The following REV1 variants were observed in gnomAD, a reference collection of about 807,000 sequenced individuals.
REV1 encodes the protein REV1 DNA directed polymerase.
A neutral mutation model predicts 137.4 loss-of-function variants in REV1; 42 were observed. That is an observed-to-expected ratio of 0.31 (90% CI 0.24 to 0.40). The LOEUF (loss-of-function observed/expected upper bound fraction) is 0.40. Ranked by LOEUF, REV1 falls within the 10% of genes least tolerant of loss-of-function variation. The pLI, the probability that REV1 is intolerant of heterozygous loss-of-function variation, is 1.00. For missense variants in REV1, 1,282 were observed against 1,490.1 expected (o/e 0.86, Z 2.30); for synonymous variants, 524 against 519.2 (o/e 1.01, Z -0.12).
chr2:99,457,670 G>C (rs1010225880), intron 3 of REV1, among the ~76,000 whole-genome samples: 7 of 149,344 alleles, frequency 4.7e-5, no homozygotes, highest in Non-Finnish European at 1.0e-4. Flanking sequence ...GGGTGACAAA[G>C]TGAGACCCTG....
chr2:99,449,218 T>C, intron 4 of REV1, 118 bp downstream of exon 4: 1 of 452,938 alleles, frequency 2.2e-6, no homozygotes, highest in Non-Finnish European at 3.4e-6. Flanking sequence ...TGAGCCATGA[T>C]CATGCCACTG....
At chr2:99,464,673 A>G (rs935000360) in intron 2 of REV1, among the ~76,000 whole-genome samples, 1 of 152,220 alleles carries the variant, frequency 6.6e-6, no homozygotes, top group African/African-American at 2.4e-5. Context: ...CAATGCTGCA[A>G]TAAAATCATC....
Position 99,460,983 on chromosome 2 carries a change from C to T in REV1, c.181+1513G>A, listed in dbSNP as rs182021795. ...ATGTGAATAAGGGTGCTCTCTTGAA[C>T]TGGAGACTTCCATGACTGGCTAATG... On this transcript the variant is annotated intron_variant, in intron 3 of 22. Transcript: ENST00000258428. 5.7e-4 allele frequency among the ~76,000 whole-genome samples: 86 copies of T among 151,370 alleles called. 1 individual carries two copies. Among genetic ancestry groups the T allele is most frequent in the Admixed American group, 5.5e-3 (84 of 15,138 alleles).
At position 99,406,737 on chromosome 2, in the gene REV1, C is replaced by A. The variant is rs573495113; in HGVS notation, c.2449-247G>T. ...ATTCTCCCAAAATATACCAAAAGAT[C>A]TTTAAAATCAGAAAATCCAAACAAG... On this transcript the variant is annotated intron_variant, in intron 15 of 22. Transcript: ENST00000258428. 4 of 307,518 alleles carry A rather than the reference C, an allele frequency of 1.3e-5. No individual in the cohort carries two copies. In the South Asian group the frequency reaches 4.4e-4, roughly 34 times the overall value. The allele number at this position is 307,518 out of a possible 1,614,324, so 19.0% of individuals were successfully genotyped here.
chr2:99,427,574 A>G (rs1333041916), intron 9 of REV1, among the ~76,000 whole-genome samples: 2 of 152,160 alleles, frequency 1.3e-5, no homozygotes, highest in Non-Finnish European at 2.9e-5. Flanking sequence ...TCATCCCCAC[A>G]ATCTAGTCCC....
rs1678853013 is a variant in REV1, at chr2:99,422,763, G to A, written c.1677-1110C>T. Among the ~76,000 whole-genome samples, 3 of 152,124 alleles carry A rather than the reference G, an allele frequency of 2.0e-5. No homozygotes were observed. In the South Asian group the frequency reaches 6.2e-4, roughly 31 times the overall value. On this transcript the variant is annotated intron_variant, in intron 10 of 22. Coordinates refer to ENST00000258428, the MANE Select transcript of REV1 (RefSeq NM_016316.4). The stretch of plus-strand genomic sequence containing the variant: ...CTGTCTCCAGCCTTCTACTGGGACC[G>A]TGTGCATGTGACTGTGTAGGAGTAT...
At position 99,487,342 on chromosome 2, in the gene REV1, C is replaced by T. The variant is rs139361076; in HGVS notation, c.-11+2475G>A. Among the ~76,000 whole-genome samples, 153 of 59,302 alleles carry T rather than the reference C, an allele frequency of 2.6e-3. 45 individuals are homozygous for T. The highest frequency in any genetic ancestry group is 8.0e-3 in the African/African-American group (140 of 17,516). 38.9% of individuals were successfully genotyped at this position (59,302 alleles called of 152,430 possible). On this transcript the variant is annotated intron_variant, in intron 1 of 22. Coordinates refer to ENST00000258428, the MANE Select transcript of REV1 (RefSeq NM_016316.4). ...AGCAAGAAAGTGACAATCTGATTTA[C>T]ATTTTTAAAAAGATCCCTCTGGTTG...
intron 3 of REV1, among the ~76,000 whole-genome samples, chr2:99,461,141 A>G (rs1300476716): frequency 1.3e-5 from 2 of 152,226 alleles, no homozygotes; most frequent in Non-Finnish European, 2.9e-5. Context: ...GAACTTCCCA[A>G]TGCTGCACCA....
At chr2:99,429,702 A>G (rs970520447) in intron 9 of REV1, 138 bp downstream of exon 9, 8 of 520,770 alleles carry the variant, frequency 1.5e-5, no homozygotes, top group Non-Finnish European at 2.6e-5. Flanking sequence ...GGGGGCATAG[A>G]TGAGATGATT....
At chr2:99,474,718 A>G (rs1363801595) in intron 1 of REV1, among the ~76,000 whole-genome samples, 1 of 152,174 alleles carries the variant, frequency 6.6e-6, no homozygotes, top group African/African-American at 2.4e-5. Context: ...CCTGACCAAC[A>G]TGGTGAAACC....
chr2:99,451,600 T>A, intron 3 of REV1: 1 of 711,930 alleles, frequency 1.4e-6, no homozygotes, highest in Non-Finnish European at 2.2e-6. Context: ...GGAGAAGTTG[T>A]TTAACTTCTT....
At position 99,424,290 on chromosome 2, in the gene REV1, G is replaced by A. The variant is rs770893499; in HGVS notation, c.1548-10C>T. On this transcript the variant is annotated splice_polypyrimidine_tract_variant and intron_variant, in intron 9 of 22. Coordinates refer to ENST00000258428, the MANE Select transcript of REV1 (RefSeq NM_016316.4). ...CTTAATGCCAAGTTGCCTAGAGCGA[G>A]AACAAAACACAATGGAGGTTATTCT... The A allele has an allele frequency of 1.2e-6, 2 of 1,610,924 alleles. No homozygotes were observed. Among genetic ancestry groups the A allele is most frequent in the East Asian group, 4.5e-5 (2 of 44,742 alleles).
chr2:99,451,701 T>C (rs190195679), intron 3 of REV1, among the ~76,000 whole-genome samples: 6 of 152,176 alleles, frequency 3.9e-5, no homozygotes, highest in Non-Finnish European at 2.9e-5. Context: ...CTGCTATTAT[T>C]ATAAACTATG....
chr2:99,434,471 T>C, intron 7 of REV1, 23 bp from the exon 8 acceptor site: 1 of 1,529,886 alleles, frequency 6.5e-7, no homozygotes, highest in Non-Finnish European at 8.9e-7. Flanking sequence ...TATTAAATTA[T>C]TTCTGTATGT....
At chr2:99,451,511 A>G in intron 3 of REV1, 1 of 1,301,254 alleles carries the variant, frequency 7.7e-7, no homozygotes, top group Non-Finnish European at 1.0e-6. Context: ...TCTAGTTAAA[A>G]GGCAAGATCA....
chr2:99,426,179 T>C (rs1325682517), intron 9 of REV1, among the ~76,000 whole-genome samples: 2 of 150,696 alleles, frequency 1.3e-5, no homozygotes, highest in Non-Finnish European at 3.0e-5. Context: ...ACCCTGTCTC[T>C]ACTAAAAATA....
intron 5 of REV1, 82 bp from the exon 6 acceptor site, chr2:99,439,392 G>A: frequency 2.1e-6 from 2 of 935,772 alleles, no homozygotes; most frequent in Non-Finnish European, 3.2e-6. Context: ...TTTTCTTAGT[G>A]GTACACAGTT....
chr2:99,472,196 T>C (rs949756536), intron 1 of REV1, among the ~76,000 whole-genome samples: 2 of 152,042 alleles, frequency 1.3e-5, no homozygotes, highest in Non-Finnish European at 2.9e-5. Flanking sequence ...AAATGTGGTA[T>C]ATACATACAA....
chr2:99,468,208 A>C lies in REV1; in HGVS notation c.-10-3223T>G, dbSNP rs573937084. Among the ~76,000 whole-genome samples, 309 of 151,952 alleles carry C rather than the reference A, an allele frequency of 2.0e-3. 2 individuals are homozygous for C. Among genetic ancestry groups the C allele is most frequent in the African/African-American group, 7.2e-3 (300 of 41,466 alleles). On this transcript the variant is annotated intron_variant, in intron 1 of 22. Transcript: ENST00000258428. ...AAAAAAAAAAAAGAAAGAAAGAAAA[A>C]TTAGCCAGGCATGGGGGCTGTTTCT...
Sources: allele counts gnomAD v4.1 joint callset (sites outside exome capture counted in the v4.1 genomes callset), GRCh38; gene constraint gnomAD v4.1.1; transcripts MANE v1.5; gene names NCBI Gene and HGNC (gene_info 2026-07-23, HGNC 2026-07-21).